The following OPRM1 variants were observed in gnomAD, a reference collection of about 807,000 sequenced individuals.
The protein encoded by OPRM1 is mu-type opioid receptor.
OPRM1 carries 27 observed loss-of-function variants against 31.8 expected under a neutral mutation model. The ratio of observed to expected loss-of-function variants is 0.85; its 90% confidence interval spans 0.63 to 1.17. The LOEUF (loss-of-function observed/expected upper bound fraction) is 1.17. OPRM1 is among the 50% of genes most tolerant of loss of function. The pLI, the probability that OPRM1 is intolerant of heterozygous loss-of-function variation, is 0.00. For missense variants in OPRM1, 536 were observed against 511.1 expected, an observed-to-expected ratio of 1.05 and a Z score of -0.47; for synonymous variants, 196 against 189.9, an observed-to-expected ratio of 1.03 and a Z score of -0.26.
At chr6:154,030,718 C>T (rs2128387185) in intron 1 of OPRM1, among the ~76,000 whole-genome samples, 1 of 152,218 alleles carries the variant, frequency 6.6e-6, no homozygotes, top group South Asian at 2.1e-4. Flanking sequence ...GGTGAAACCC[C>T]ATCTCTACTA....
At chr6:154,140,012 C>G (rs1452310687) in intron 3 of OPRM1, among the ~76,000 whole-genome samples, 1 of 152,192 alleles carries the variant, frequency 6.6e-6, no homozygotes, top group African/African-American at 2.4e-5. Context: ...CATCCCATCT[C>G]CAGTTCCCCG....
intron 3 of OPRM1, among the ~76,000 whole-genome samples, chr6:154,175,178 T>G (rs559154196): frequency 1.9e-4 from 29 of 152,314 alleles, no homozygotes; most frequent in African/African-American, 6.0e-4. Context: ...AAGCAGTGTT[T>G]AGAGGGAAAT....
chr6:154,200,569 A>C (rs1474574497), intron 3 of OPRM1, among the ~76,000 whole-genome samples: 2 of 151,998 alleles, frequency 1.3e-5, no homozygotes, highest in Non-Finnish European at 2.9e-5. Flanking sequence ...AAAAATACAA[A>C]AATTAGCCTG....
Position 154,039,495 on chromosome 6 carries a change from C to T in OPRM1, c.-50C>T, listed in dbSNP as rs1387470889. ...GAGGCGCTTGGAACCCGAAAAGTCT[C>T]GGTGCTCCTGGCTACCTCGCACAGC... On this transcript the variant is annotated 5_prime_UTR_variant, in exon 1 of 4. Transcript: ENST00000330432. 3.8e-6 allele frequency: 6 copies of T among 1,569,812 alleles called. No individual in the cohort carries two copies. The highest frequency in any genetic ancestry group is 2.4e-5 in the East Asian group (1 of 42,448).
chr6:154,180,073 A>G (rs1165355879), intron 3 of OPRM1, among the ~76,000 whole-genome samples: 1 of 152,198 alleles, frequency 6.6e-6, no homozygotes, highest in African/African-American at 2.4e-5. Flanking sequence ...TAGCACACTG[A>G]GATTTGTCCA....
At chr6:154,094,230 C>A (rs766124274) in intron 3 of OPRM1, 13 of 1,287,382 alleles carry the variant, frequency 1.0e-5, no homozygotes, top group East Asian at 5.5e-5. Context: ...CAATATCAAA[C>A]CTTCCCAGGG....
intron 3 of OPRM1, among the ~76,000 whole-genome samples, chr6:154,227,551 T>C (rs967331334): frequency 6.6e-6 from 1 of 152,068 alleles, no homozygotes; most frequent in Admixed American, 6.5e-5. Flanking sequence ...AAATCCCATC[T>C]CTGCAAAAGT....
intron 3 of OPRM1, among the ~76,000 whole-genome samples, chr6:154,095,701 GT>G (rs1236572566): frequency 2.0e-5 from 3 of 152,080 alleles, no homozygotes; most frequent in South Asian, 2.1e-4. Flanking sequence ...ATGGTCTCGT[GT>G]TTTTTTTGTG....
chr6:154,015,975 A>T (rs1467831133), intron 1 of OPRM1, among the ~76,000 whole-genome samples: 1 of 151,954 alleles, frequency 6.6e-6, no homozygotes, highest in African/African-American at 2.4e-5. Flanking sequence ...TGTCAAATTC[A>T]TGAAGAATCA....
chr6:154,209,103 T>C (rs1476162519), intron 3 of OPRM1, among the ~76,000 whole-genome samples: 1 of 152,256 alleles, frequency 6.6e-6, no homozygotes, highest in Admixed American at 6.5e-5. Flanking sequence ...TTTCATTGTT[T>C]ATCTTGACTC....
At chr6:154,062,240 A>G (rs965691247) in intron 1 of OPRM1, among the ~76,000 whole-genome samples, 3 of 152,192 alleles carry the variant, frequency 2.0e-5, no homozygotes, top group African/African-American at 7.2e-5. Context: ...GATGATCCTG[A>G]AAAGTAATAA....
At chr6:154,034,538 A>G (rs1779187752), upstream of OPRM1, among the ~76,000 whole-genome samples, 1 of 152,090 alleles carries the variant, frequency 6.6e-6, no homozygotes, top group African/African-American at 2.4e-5. Context: ...ACAGAGTGAG[A>G]CTCTGTTTTA....
At chr6:154,101,205 CTATT>C (rs1284644246) in intron 3 of OPRM1, among the ~76,000 whole-genome samples, 1 of 152,104 alleles carries the variant, frequency 6.6e-6, no homozygotes, top group Non-Finnish European at 1.5e-5. Context: ...ATACAATCAT[CTATT>C]TAACTCATTT....
chr6:154,214,294 A>C (rs766675292), intron 3 of OPRM1: 7 of 1,592,002 alleles, frequency 4.4e-6, no homozygotes, highest in Non-Finnish European at 6.0e-6. Flanking sequence ...TCAAATAGAA[A>C]GCAAATGTTG....
At chr6:154,209,438 C>G (rs1777778964) in intron 3 of OPRM1, among the ~76,000 whole-genome samples, 1 of 151,988 alleles carries the variant, frequency 6.6e-6, no homozygotes, top group Non-Finnish European at 1.5e-5. Flanking sequence ...ATCACTTGAG[C>G]TCAGGAGCCA....
At chr6:154,041,347 TTAAG>T (rs1299588325) in intron 1 of OPRM1, among the ~76,000 whole-genome samples, 3 of 152,196 alleles carry the variant, frequency 2.0e-5, no homozygotes, top group Admixed American at 2.0e-4. Context: ...AACATTTACT[TTAAG>T]TAATTCAATA....
At chr6:154,091,980 A>T in intron 3 of OPRM1, 1 of 981,418 alleles carries the variant, frequency 1.0e-6, no homozygotes, top group Non-Finnish European at 1.2e-6. Context: ...AAGATTAAAA[A>T]ATGACCATCC....
chr6:154,235,932 C>A (rs1448889443), intron 3 of OPRM1, among the ~76,000 whole-genome samples: 3 of 152,160 alleles, frequency 2.0e-5, no homozygotes, highest in South Asian at 2.1e-4. Flanking sequence ...AAAATGGAAC[C>A]CTTGTGTTCC....
chr6:154,240,742 C>A (rs1019558261), intron 3 of OPRM1, among the ~76,000 whole-genome samples: 10 of 152,180 alleles, frequency 6.6e-5, no homozygotes, highest in Non-Finnish European at 1.3e-4. Context: ...GTGCATGCAG[C>A]TAGAGATGGA....
Sources: gnomAD v4.1 joint callset for allele counts (sites outside exome capture counted in the v4.1 genomes callset) on GRCh38, gnomAD v4.1.1 for gene constraint, MANE v1.5 for transcripts, NCBI Gene and HGNC (gene_info 2026-07-23, HGNC 2026-07-21) for gene names.